TMCC1: variants seen among roughly 807,000 people sequenced by gnomAD.
The protein encoded by TMCC1 is transmembrane and coiled-coil domains protein 1.
In TMCC1, 15 loss-of-function variants were observed where a neutral mutation model predicts 52.4. The ratio of observed to expected loss-of-function variants is 0.29; its 90% CI spans 0.19 to 0.44. The LOEUF (loss-of-function observed/expected upper bound fraction) is 0.44, where lower values mean the gene tolerates loss of function less well. TMCC1 is among the 20% of genes least tolerant of loss of function. The pLI, the probability that TMCC1 is intolerant of heterozygous loss-of-function variation, is 1.00. For missense variants in TMCC1, 503 were observed against 806.0 expected (o/e 0.62, Z 4.55); for synonymous variants, 279 against 301.9 (o/e 0.92, Z 0.79).
chr3:129,844,059 T>A (rs1308916375), intron 2 of TMCC1, among the ~76,000 whole-genome samples: 1 of 152,194 alleles, frequency 6.6e-6, no homozygotes, highest in Admixed American at 6.5e-5. Flanking sequence ...CCCAGGGATG[T>A]AGGGCTGGTT....
At chr3:129,692,120 G>A (rs570234628) in intron 4 of TMCC1, among the ~76,000 whole-genome samples, 3 of 152,166 alleles carry the variant, frequency 2.0e-5, no homozygotes, top group Non-Finnish European at 4.4e-5. Context: ...ACTATATACA[G>A]TTTATTTCAC....
intron 2 of TMCC1, among the ~76,000 whole-genome samples, chr3:129,845,072 C>G (rs1430616141): frequency 6.6e-6 from 1 of 151,854 alleles, no homozygotes; most frequent in Non-Finnish European, 1.5e-5. Context: ...CCCTGTAGTC[C>G]CAGCTACTCA....
intron 4 of TMCC1, among the ~76,000 whole-genome samples, chr3:129,673,955 C>T (rs1410859669): frequency 2.0e-5 from 3 of 152,162 alleles, no homozygotes; most frequent in African/African-American, 7.2e-5. Flanking sequence ...CAGATTTTTA[C>T]TGTACCTTTT....
At chr3:129,739,440 T>G (rs1165098276) in intron 4 of TMCC1, among the ~76,000 whole-genome samples, 1 of 152,178 alleles carries the variant, frequency 6.6e-6, no homozygotes, top group African/African-American at 2.4e-5. Context: ...GTGCTGAGAT[T>G]GCGTGAGCCA....
chr3:129,714,706 T>C (rs2048940223), intron 4 of TMCC1, among the ~76,000 whole-genome samples: 1 of 152,180 alleles, frequency 6.6e-6, no homozygotes, highest in Non-Finnish European at 1.5e-5. Flanking sequence ...GAGGCACCAA[T>C]GGGGATAAAA....
chr3:129,690,046 T>G (rs1254272827), intron 4 of TMCC1, among the ~76,000 whole-genome samples: 1 of 152,190 alleles, frequency 6.6e-6, no homozygotes, highest in African/African-American at 2.4e-5. Flanking sequence ...AAACCACAAA[T>G]GAGCAGAAAA....
At chr3:129,887,305 A>T (rs2061753019) in intron 1 of TMCC1, among the ~76,000 whole-genome samples, 1 of 152,098 alleles carries the variant, frequency 6.6e-6, no homozygotes, top group African/African-American at 2.4e-5. Flanking sequence ...GCACTTTGGG[A>T]GGCCAAGGAG....
chr3:129,795,767 C>T (rs892176065), intron 4 of TMCC1, among the ~76,000 whole-genome samples: 2 of 152,168 alleles, frequency 1.3e-5, no homozygotes, highest in Non-Finnish European at 2.9e-5. Flanking sequence ...AACCTCATGC[C>T]ATCCTACCTG....
intron 4 of TMCC1, 104 bp from the exon 5 acceptor site, chr3:129,671,368 T>A: frequency 8.3e-7 from 1 of 1,208,308 alleles, no homozygotes; most frequent in East Asian, 2.5e-5. Context: ...CAAATCTCAG[T>A]AGATAACTGA....
At chr3:129,744,155 T>C (rs774548811) in intron 4 of TMCC1, among the ~76,000 whole-genome samples, 6 of 152,142 alleles carry the variant, frequency 3.9e-5, no homozygotes, top group Non-Finnish European at 8.8e-5. Context: ...AACCTTACAA[T>C]TTCACCTTTT....
intron 2 of TMCC1, among the ~76,000 whole-genome samples, chr3:129,874,420 G>A (rs761376997): frequency 1.3e-4 from 20 of 152,140 alleles, no homozygotes; most frequent in Non-Finnish European, 8.8e-5. Context: ...AAAAAATAGC[G>A]GCTAGAACTG....
At chr3:129,763,542 C>CAAAAAAA (rs11354197) in intron 4 of TMCC1, among the ~76,000 whole-genome samples, 90 of 44,614 alleles carry the variant, frequency 2.0e-3, no homozygotes, top group Non-Finnish European at 2.6e-3. Flanking sequence ...GACCCTGTCT[C>CAAAAAAA]AAAAAAAAAA....
intron 4 of TMCC1, among the ~76,000 whole-genome samples, chr3:129,802,184 C>G (rs1316547697): frequency 6.6e-6 from 1 of 152,172 alleles, no homozygotes; most frequent in East Asian, 1.9e-4. Context: ...ATTGCATAAA[C>G]TGTAAAGTTG....
chr3:129,769,970 T>C (rs1246429870), intron 4 of TMCC1, among the ~76,000 whole-genome samples: 1 of 152,200 alleles, frequency 6.6e-6, no homozygotes, highest in Admixed American at 6.5e-5. Context: ...AAGTGATGAT[T>C]ACCAAAGGAT....
chr3:129,850,772 T>C (rs558614318), intron 2 of TMCC1, among the ~76,000 whole-genome samples: 15 of 152,162 alleles, frequency 9.9e-5, no homozygotes, highest in South Asian at 2.1e-4. Context: ...AGCAAACCAG[T>C]CATTAGCATT....
In TMCC1 at chr3:129,651,392, T is replaced by A; in HGVS notation, c.*89A>T. ...GATTCACTCAACTCTTTTTTTGTTGTAGAAAACTTCAGAGTAGGTAAGTTG... is the reference window on the plus strand; with the variant it reads ...GATTCACTCAACTCTTTTTTTGTTGAAGAAAACTTCAGAGTAGGTAAGTTG... On this transcript the variant is annotated 3_prime_UTR_variant, in exon 7 of 7. Coordinates refer to ENST00000393238, the MANE Select transcript of TMCC1 (RefSeq NM_001017395.5). This position sits in a 1 kb window ranked among gnomAD's most constrained non-coding sequence, Gnocchi z 5.1. 2 of 1,376,590 alleles carry A rather than the reference T, an allele frequency of 1.5e-6. No homozygotes were observed. The highest frequency in any genetic ancestry group is 1.5e-5 in the South Asian group (1 of 68,572). The allele number at this position is 1,376,590 out of a possible 1,614,324, so 85.3% of individuals were successfully genotyped here.
At chr3:129,690,322 G>A (rs1277532857) in intron 4 of TMCC1, among the ~76,000 whole-genome samples, 2 of 151,962 alleles carry the variant, frequency 1.3e-5, no homozygotes, top group Non-Finnish European at 2.9e-5. Flanking sequence ...TAGATTGTGT[G>A]CAGTCTAAAA....
intron 6 of TMCC1, among the ~76,000 whole-genome samples, 160 bp downstream of exon 6, chr3:129,654,807 AG>A (rs1230315766): frequency 1.3e-5 from 2 of 152,258 alleles, no homozygotes; most frequent in African/African-American, 2.4e-5. Context: ...TAAACTTTTG[AG>A]AAATGCATCT....
At chr3:129,800,921 C>T (rs1399838595) in intron 4 of TMCC1, among the ~76,000 whole-genome samples, 1 of 132,002 alleles carries the variant, frequency 7.6e-6, no homozygotes, top group Admixed American at 9.0e-5. Flanking sequence ...GCACATCTCA[C>T]ACTATTTTTT....
Sources: gnomAD v4.1 joint callset for allele counts (sites outside exome capture counted in the v4.1 genomes callset) on GRCh38, gnomAD v4.1.1 for gene constraint, Gnocchi (gnomAD v3.1) non-coding constraint, MANE v1.5 for transcripts, NCBI Gene and HGNC (gene_info 2026-07-23, HGNC 2026-07-21) for gene names.